The following PLEKHS1 variants were observed in gnomAD, a reference collection of about 807,000 sequenced individuals.
The protein encoded by PLEKHS1 is pleckstrin homology domain-containing family S member 1.
A neutral mutation model predicts 51.0 loss-of-function variants in PLEKHS1; 55 were observed. The ratio of observed to expected loss-of-function variants is 1.08; its 90% CI spans 0.87 to 1.35. The LOEUF is 1.35. Among genes scored for constraint, PLEKHS1 ranks in the 40% most tolerant of loss-of-function variants. The pLI, the probability that PLEKHS1 is intolerant of heterozygous loss-of-function variation, is 0.00. For synonymous variants in PLEKHS1, 153 were observed against 144.8 expected (o/e 1.06, Z -0.41); for missense variants, 398 against 423.0 (o/e 0.94, Z 0.52).
rs1028772933 is a variant in PLEKHS1 at position 113,768,068 on chromosome 10, C to T, written c.359+589C>T. Among the ~76,000 whole-genome samples the T allele has an allele frequency of 2.6e-5, 4 of 152,066 alleles. No homozygotes were observed. The East Asian group carries it at 5.8e-4, about 22-fold the overall frequency. On this transcript the variant is annotated intron_variant, in intron 5 of 11. Transcript: ENST00000361048. ...AACATACAAATTCATTGTATTTTTG[C>T]GGGGAGGGTACATTTCAACCGATAA...
chr10:113,758,907 T>C (rs1843794208), intron 2 of PLEKHS1, among the ~76,000 whole-genome samples: 1 of 152,250 alleles, frequency 6.6e-6, no homozygotes, highest in South Asian at 2.1e-4. Context: ...ATTGCAAGAA[T>C]TGCCAAAATG....
exon 7 of PLEKHS1, chr10:113,769,784 G>A (rs770813250): frequency 1.2e-6 from 2 of 1,602,078 alleles, no homozygotes; most frequent in Admixed American, 1.7e-5. Flanking sequence ...TTGTGAGCAG[G>A]AGGAACTCTC....
chr10:113,764,195 G>C (rs1844065127), intron 2 of PLEKHS1, among the ~76,000 whole-genome samples: 2 of 152,126 alleles, frequency 1.3e-5, no homozygotes, highest in Admixed American at 1.3e-4. Flanking sequence ...CTGCCTCCCA[G>C]GTTCAAGCCA....
At chr10:113,751,688 A>T (rs2134447518) in exon 1 of PLEKHS1, 1 of 152,386 alleles carries the variant, frequency 6.6e-6, no homozygotes, top group Non-Finnish European at 1.5e-5. Flanking sequence ...GCTCAGAGTC[A>T]GCAGGAGTGA....
At position 113,770,584 on chromosome 10, in the gene PLEKHS1, C is replaced by T. The variant is rs538991075; in HGVS notation, c.552+684C>T. ...TTACCCTGTCCATGTATACCAAGCA[C>T]ATCTAATGAGTCCTAGTCCCTTGTT... On this transcript the variant is annotated intron_variant, in intron 7 of 11. Coordinates refer to ENST00000361048, the Ensembl canonical transcript of PLEKHS1. 6.6e-5 allele frequency among the ~76,000 whole-genome samples: 10 copies of T among 152,290 alleles called. No individual in the cohort carries two copies. In the East Asian group the frequency reaches 1.7e-3, roughly 26 times the overall value.
At chr10:113,774,888 C>T in exon 10 of PLEKHS1, 3 of 1,614,156 alleles carry the variant, frequency 1.9e-6, no homozygotes, top group Non-Finnish European at 2.5e-6. Context: ...CAGACCCTTC[C>T]AGAGACCCAG....
At chr10:113,778,932 A>G (rs1316543425) in intron 11 of PLEKHS1, among the ~76,000 whole-genome samples, 1 of 152,164 alleles carries the variant, frequency 6.6e-6, no homozygotes, top group Non-Finnish European at 1.5e-5. Context: ...CGCCCGGCCC[A>G]TTCACTATTT....
intron 2 of PLEKHS1, among the ~76,000 whole-genome samples, chr10:113,762,650 T>G (rs1282132925): frequency 6.6e-6 from 1 of 152,028 alleles, no homozygotes; most frequent in Non-Finnish European, 1.5e-5. Flanking sequence ...ATTTATAATT[T>G]GATTTCATAG....
chr10:113,773,568 G>A (rs1261784580), intron 8 of PLEKHS1, among the ~76,000 whole-genome samples: 1 of 152,228 alleles, frequency 6.6e-6, no homozygotes, highest in East Asian at 1.9e-4. Context: ...CGAAAGGAAA[G>A]ATGGCACTCG....
intron 2 of PLEKHS1, among the ~76,000 whole-genome samples, chr10:113,762,700 AATTT>A (rs1041969324): frequency 6.6e-6 from 1 of 151,872 alleles, no homozygotes; most frequent in African/African-American, 2.4e-5. Flanking sequence ...AATGCTTTTA[AATTT>A]ATTGAGACTT....
intron 2 of PLEKHS1, chr10:113,765,304 C>G: frequency 1.3e-6 from 1 of 775,572 alleles, no homozygotes. Flanking sequence ...TAGTGTAGAG[C>G]TAATTATTCC....
intron 11 of PLEKHS1, among the ~76,000 whole-genome samples, chr10:113,778,880 C>T (rs1384193718): frequency 1.3e-5 from 2 of 152,212 alleles, no homozygotes. Flanking sequence ...ATCCGCCCGC[C>T]TCGGCCTCCC....
chr10:113,774,113 T>A (rs971716673), intron 8 of PLEKHS1, 114 bp from the exon 9 acceptor site: 1 of 632,244 alleles, frequency 1.6e-6, no homozygotes, highest in Non-Finnish European at 2.7e-6. Context: ...ACCACGTTCA[T>A]CCACTGGAAA....
chr10:113,763,397 C>G (rs1844028195), intron 2 of PLEKHS1, among the ~76,000 whole-genome samples: 1 of 152,084 alleles, frequency 6.6e-6, no homozygotes, highest in Non-Finnish European at 1.5e-5. Context: ...ATCTGGTCAT[C>G]TCTGTTTTTT....
Position 113,768,810 on chromosome 10 carries a change from A to T in PLEKHS1, c.360-5A>T. 1 of 1,611,950 alleles carries T rather than the reference A, an allele frequency of 6.2e-7. No individual in the cohort carries two copies. The highest frequency in any genetic ancestry group is 8.5e-7 in the Non-Finnish European group (1 of 1,179,280). On this transcript the variant is annotated splice_polypyrimidine_tract_variant and splice_region_variant and intron_variant, in intron 5 of 11. Coordinates refer to ENST00000361048, the Ensembl canonical transcript of PLEKHS1. ...TGCCAACTGAAAGTTTATTCCTGTC[A>T]ACAGGGAGAAGATTAAAGACTGGGT...
Position 113,769,010 on chromosome 10 carries a change from A to G in PLEKHS1, c.435+120A>G, listed in dbSNP as rs6585245. ...TGGCTTTAATACAAGGAATAAATAA[A>G]TGAGAAAATGTACATCCTTATTACT... On this transcript the variant is annotated intron_variant, in intron 6 of 11. Transcript: ENST00000361048. 6,805 of 613,338 alleles carry G rather than the reference A, an allele frequency of 0.011. 336 individuals carry two copies. In the African/African-American group the frequency reaches 0.11, roughly 10 times the overall value. 38.0% of individuals were successfully genotyped at this position (613,338 alleles called of 1,614,324 possible).
intron 1 of PLEKHS1, among the ~76,000 whole-genome samples, chr10:113,754,955 A>G (rs1203324852): frequency 6.6e-6 from 1 of 152,146 alleles, no homozygotes; most frequent in Non-Finnish European, 1.5e-5. Flanking sequence ...CAGCTCTCTT[A>G]TCAAAGCAGT....
Position 113,768,906 on chromosome 10 carries a change from T to G in PLEKHS1, c.435+16T>G, listed in dbSNP as rs372667405. Reference sequence around the variant, plus strand: ...GAACACAGAGGTGACTCCATATCACTAATAAAATAACAGGGCACCTGAACA... The same window carrying G: ...GAACACAGAGGTGACTCCATATCACGAATAAAATAACAGGGCACCTGAACA... On this transcript the variant is annotated intron_variant, in intron 6 of 11. Transcript: ENST00000361048. 44 of 1,592,148 alleles carry G rather than the reference T, an allele frequency of 2.8e-5. No homozygotes were observed. Among genetic ancestry groups the G allele is most frequent in the Non-Finnish European group, 3.5e-5 (41 of 1,168,780 alleles).
intron 1 of PLEKHS1, among the ~76,000 whole-genome samples, chr10:113,754,782 C>G (rs899543051): frequency 6.6e-6 from 1 of 152,166 alleles, no homozygotes; most frequent in Admixed American, 6.5e-5. Flanking sequence ...CCGTGCCTGG[C>G]GGTCCTTGTT....
Sources: allele counts gnomAD v4.1 joint callset (sites outside exome capture counted in the v4.1 genomes callset), GRCh38; gene constraint gnomAD v4.1.1; transcripts MANE v1.5; gene names NCBI Gene and HGNC (gene_info 2026-07-23, HGNC 2026-07-21).